Variants in MUTYH observed in about 807,000 individuals in gnomAD.
The protein encoded by MUTYH is adenine DNA glycosylase.
Under a neutral mutation model 72.9 loss-of-function variants are expected in MUTYH, and 64 were observed. The observed-to-expected ratio is 0.88, with a 90% CI of 0.72 to 1.08. MUTYH has a LOEUF of 1.08. Ranked by LOEUF, MUTYH falls within the 50% of genes least tolerant of loss-of-function variation. The pLI, the probability that MUTYH is intolerant of heterozygous loss-of-function variation, is 0.00. For missense variants in MUTYH, 633 were observed against 671.0 expected, an observed-to-expected ratio of 0.94 and a Z score of 0.63; for synonymous variants, 234 against 263.1, an observed-to-expected ratio of 0.89 and a Z score of 1.07.
intron 1 of MUTYH, among the ~76,000 whole-genome samples, chr1:45,339,205 ATTTTTTTTT>A (rs60609540): frequency 4.2e-5 from 5 of 118,230 alleles, no homozygotes; most frequent in Non-Finnish European, 6.8e-5. Flanking sequence ...TCCAATAGGA[ATTTTTTTTT>A]TTTTTTTTTT....
upstream of MUTYH, chr1:45,340,235 C>T (rs1114167687): frequency 6.2e-7 from 1 of 1,613,856 alleles, no homozygotes. Flanking sequence ...ACGACTCAGG[C>T]GGGAGACGAG....
In MUTYH at chr1:45,331,676, G is replaced by A. The variant is rs587783057; in HGVS notation, c.1087C>T (p.Gln363Ter). Residue 363 changes from glutamine to a stop codon, truncating the protein, a stop_gained, in exon 12 of 16, where the codon CAG becomes TAG. Transcript: ENST00000456914. LOFTEE classifies it high-confidence loss of function. ...GALGAQILLV[Q>*]RPNSGLLAGL... ...ATCCAGGTACCTGAGTTGGGCCTCT[G>A]CACCAGCAGAATTTGGGCCCCAAGG... is the stretch of plus-strand genomic sequence containing the variant. 9.3e-6 allele frequency: 15 copies of A among 1,613,952 alleles called. No individual in the cohort carries two copies. The highest frequency in any genetic ancestry group is 1.6e-4 in the Middle Eastern group (1 of 6,062).
intron 15 of MUTYH, 125 bp downstream of exon 15, chr1:45,330,391 C>T: frequency 8.6e-7 from 1 of 1,157,924 alleles, no homozygotes; most frequent in South Asian, 1.3e-5. Flanking sequence ...AGGTCAAGAA[C>T]TATTCCTCCC....
chr1:45,332,308 C>G lies in MUTYH; in HGVS notation c.707G>C (p.Gly236Ala). 1 of 1,614,078 alleles carries G rather than the reference C, an allele frequency of 6.2e-7. No individual in the cohort carries two copies. Among genetic ancestry groups the G allele is most frequent in the Non-Finnish European group, 8.5e-7 (1 of 1,179,996 alleles). The change falls in exon 10 of 16, where the codon GGT (glycine) becomes GCT (alanine). Residue 236 changes from glycine (G) to alanine (A), a missense_variant and splice_region_variant. Transcript: ENST00000456914. ...TGGGTCCACCAGCTGCTGGGCTAGACCCCTAAAAGAAGGGAACACTGCTGT... is the reference window on the plus strand; with the variant it reads ...TGGGTCCACCAGCTGCTGGGCTAGAGCCCTAAAAGAAGGGAACACTGCTGT... ...SSTLVSQQLW[G>A]LAQQLVDPAR...
rs185903358 is a variant in MUTYH, at chr1:45,334,151, C to T, written c.115+240G>A. 1.1e-3 allele frequency: 540 copies of T among 478,790 alleles called. 6 individuals are homozygous for T. The Admixed American group carries it at 0.014, about 13-fold the overall frequency. The allele number at this position is 478,790 out of a possible 1,614,324, so 29.7% of individuals were successfully genotyped here. A position where few individuals can be genotyped will look rare whatever the true frequency, so the allele number is the denominator to read the frequency against. On this transcript the variant is annotated intron_variant, in intron 2 of 15. Transcript: ENST00000456914. Reference sequence around the variant, plus strand: ...CTTCCCGAGTAGCTGGGACTACAGACGCTCACCACCACGCGAGCATAGAGA... The same window carrying T: ...CTTCCCGAGTAGCTGGGACTACAGATGCTCACCACCACGCGAGCATAGAGA...
In MUTYH at chr1:45,330,513, TA is replaced by T. The variant is rs2149102703; in HGVS notation, c.1434+2del. ...ACGGTTGGGAGAGGCCTAGGAGACT[TA>T]CCATACAGGTCCCTGGCTGTTGGCC... On this transcript the variant is annotated splice_donor_variant, in intron 15 of 15. Transcript: ENST00000456914. LOFTEE classifies it high-confidence loss of function. The T allele has an allele frequency of 6.2e-7, 1 of 1,609,208 alleles. No homozygotes were observed.
intron 2 of MUTYH, 153 bp downstream of exon 2, chr1:45,334,238 C>G: frequency 8.5e-7 from 1 of 1,169,600 alleles, no homozygotes; most frequent in Non-Finnish European, 1.2e-6. Flanking sequence ...ATCCACCTGC[C>G]TCGGCCTCCC....
At position 45,332,748 on chromosome 1, in the gene MUTYH, CT is replaced by C; in HGVS notation, c.492+14del. On this transcript the variant is annotated intron_variant, in intron 7 of 15. Transcript: ENST00000456914. Reference sequence around the variant, plus strand: ...CCAAGACTCCTGGGTTCCTACCCTCCTGCCATCCCCTTACCTTCCGAGCTCC... The same window carrying C: ...CCAAGACTCCTGGGTTCCTACCCTCCGCCATCCCCTTACCTTCCGAGCTCC... 1 of 1,614,200 alleles carries C rather than the reference CT, an allele frequency of 6.2e-7. No individual in the cohort carries two copies. Among genetic ancestry groups the C allele is most frequent in the Non-Finnish European group, 8.5e-7 (1 of 1,180,014 alleles).
chr1:45,340,326 G>A (rs1646837773), upstream of MUTYH: 2 of 1,606,144 alleles, frequency 1.2e-6, no homozygotes, highest in Non-Finnish European at 1.7e-6. Context: ...CCCAGAGGTA[G>A]CCTTCAAAGC....
intron 9 of MUTYH, 23 bp downstream of exon 9, chr1:45,332,368 C>A: frequency 1.2e-6 from 2 of 1,614,128 alleles, no homozygotes; most frequent in Non-Finnish European, 1.7e-6. Context: ...CCCTGAAGCA[C>A]CCTTGTTACC....
chr1:45,334,299 C>G, intron 2 of MUTYH, 92 bp downstream of exon 2: 2 of 1,588,130 alleles, frequency 1.3e-6, no homozygotes, highest in Non-Finnish European at 1.7e-6. Context: ...CTTAGTAAGT[C>G]TCTTAATGTC....
intron 1 of MUTYH, among the ~76,000 whole-genome samples, chr1:45,339,344 T>C (rs932110630): frequency 6.6e-6 from 1 of 151,438 alleles, no homozygotes; most frequent in African/African-American, 2.4e-5. Context: ...TCCCAAGTAG[T>C]GGGATTACAG....
upstream of MUTYH, chr1:45,339,985 G>A: frequency 6.5e-7 from 1 of 1,533,186 alleles, no homozygotes; most frequent in Non-Finnish European, 8.8e-7. Flanking sequence ...CCTCCCGCGA[G>A]CTCTAGCGCG....
At chr1:45,334,689 T>C (rs1570469830) in intron 1 of MUTYH, among the ~76,000 whole-genome samples, 178 bp from the exon 2 acceptor site, 2 of 152,252 alleles carry the variant, frequency 1.3e-5, no homozygotes. Context: ...GAGATACAAC[T>C]AGTATAGCTG....
chr1:45,334,387 T>C lies in MUTYH; in HGVS notation c.115+4A>G. Reference sequence around the variant, plus strand: ...GAGCCTTGGGCCACAACCTAGTTCCTTACCATCACAGGCAGAAGGCTTGGC... The same window carrying C: ...GAGCCTTGGGCCACAACCTAGTTCCCTACCATCACAGGCAGAAGGCTTGGC... On this transcript the variant is annotated splice_donor_region_variant and intron_variant, in intron 2 of 15. Coordinates refer to ENST00000456914, the MANE Select transcript of MUTYH (RefSeq NM_001048174.2). The C allele has an allele frequency of 6.2e-7, 1 of 1,614,054 alleles. No homozygotes were observed. Among genetic ancestry groups the C allele is most frequent in the Non-Finnish European group, 8.5e-7 (1 of 1,179,980 alleles).
rs370441616 is a variant in MUTYH, at chr1:45,330,489, C to A, written c.1434+27G>T. 10 of 1,602,942 alleles carry A rather than the reference C, an allele frequency of 6.2e-6. No individual in the cohort carries two copies. In the African/African-American group the frequency reaches 1.3e-4, roughly 21 times the overall value. On this transcript the variant is annotated intron_variant, in intron 15 of 15. Transcript: ENST00000456914. ...CTATGGACTCAGGCCTGGGGAGACACGGTTGGGAGAGGCCTAGGAGACTTA... is the reference window on the plus strand; with the variant it reads ...CTATGGACTCAGGCCTGGGGAGACAAGGTTGGGAGAGGCCTAGGAGACTTA...
chr1:45,333,560 G>A lies in MUTYH; in HGVS notation c.117C>T (p.Gly39=), dbSNP rs1557487475. 1.2e-6 allele frequency: 2 copies of A among 1,613,366 alleles called. No individual in the cohort carries two copies. The highest frequency in any genetic ancestry group is 1.7e-6 in the Non-Finnish European group (2 of 1,179,610). Residue 39 remains glycine (G), a splice_region_variant and synonymous_variant, in exon 3 of 16, where the codon GGC becomes GGT. Coordinates refer to ENST00000456914, the MANE Select transcript of MUTYH (RefSeq NM_001048174.2). Reference sequence around the variant, plus strand: ...CCACCTCTTCCGGCTGCCTGGCCAGGCCTGCTGGGGCCCCAGGACACTCAG... The same window carrying A: ...CCACCTCTTCCGGCTGCCTGGCCAGACCTGCTGGGGCCCCAGGACACTCAG... ...NSQAKPSACD[G]LARQPEEVVL... is the part of the protein sequence containing the mutation.
At chr1:45,334,169 C>T (rs1262657094) in intron 2 of MUTYH, 1 of 542,994 alleles carries the variant, frequency 1.8e-6, no homozygotes, top group African/African-American at 1.9e-5. Context: ...ACCACGCGAG[C>T]ATAGAGAGGG....
chr1:45,330,594 T>C, intron 14 of MUTYH, 37 bp from the exon 15 acceptor site: 2 of 1,594,834 alleles, frequency 1.3e-6, no homozygotes, highest in South Asian at 2.3e-5. Context: ...GCTGGCACTT[T>C]TTGCAAAAGA....
Sources: allele counts gnomAD v4.1 joint callset (sites outside exome capture counted in the v4.1 genomes callset), GRCh38; gene constraint gnomAD v4.1.1; transcripts MANE v1.5; gene names NCBI Gene and HGNC (gene_info 2026-07-23, HGNC 2026-07-21).